The following RGS17 variants were observed in gnomAD, a reference collection of about 807,000 sequenced individuals.
RGS17 encodes regulator of G protein signaling 17.
In RGS17, 12 loss-of-function variants were observed where a neutral mutation model predicts 25.5. That is an observed-to-expected ratio of 0.47 (90% CI 0.30 to 0.76). RGS17 has a LOEUF of 0.76. Among genes scored for constraint, RGS17 ranks in the 30% least tolerant of loss-of-function variants. The probability of loss-of-function intolerance (pLI) is 0.07; values close to 1 mark genes in which losing one functional copy is unlikely to be tolerated. For missense variants in RGS17, 196 were observed against 242.2 expected, an observed-to-expected ratio of 0.81 and a Z score of 1.27; for synonymous variants, 71 against 76.9, an observed-to-expected ratio of 0.92 and a Z score of 0.40.
chr6:153,060,584 A>AC (rs1215739495), intron 1 of RGS17, among the ~76,000 whole-genome samples: 1 of 152,144 alleles, frequency 6.6e-6, no homozygotes, highest in East Asian at 1.9e-4. Flanking sequence ...CACAAGAAAA[A>AC]ATAATTATAA....
chr6:153,108,791 A>G (rs1777423592), intron 1 of RGS17, among the ~76,000 whole-genome samples: 1 of 145,988 alleles, frequency 6.8e-6, no homozygotes, highest in African/African-American at 2.5e-5. Context: ...TAATTAATGT[A>G]TGAATGCAAG....
intron 1 of RGS17, among the ~76,000 whole-genome samples, chr6:153,104,819 G>C (rs1777355240): frequency 7.0e-6 from 1 of 143,514 alleles, no homozygotes; most frequent in African/African-American, 2.8e-5. Flanking sequence ...CGAGACTCTT[G>C]TCTCAAAAAA....
intron 1 of RGS17, among the ~76,000 whole-genome samples, chr6:153,090,030 G>A (rs762246537): frequency 1.3e-5 from 2 of 152,026 alleles, no homozygotes; most frequent in Non-Finnish European, 2.9e-5. Flanking sequence ...ATTAACTGAA[G>A]GATTGAACAG....
intron 1 of RGS17, among the ~76,000 whole-genome samples, chr6:153,102,100 A>AC (rs746792641): frequency 4.7e-4 from 71 of 152,338 alleles, no homozygotes; most frequent in Non-Finnish European, 8.4e-4. Flanking sequence ...TTGCTTCTGC[A>AC]CAGTCTTCTA....
rs576369726 is a variant in RGS17, at chr6:153,041,421, G to A, written c.119+2479C>T. Among the ~76,000 whole-genome samples the A allele has an allele frequency of 8.5e-4, 130 of 152,226 alleles. 1 individual carries two copies. The South Asian group carries it at 0.024, about 28-fold the overall frequency. ...GGTGTAGAGAGTTGATGCAGCTTCC[G>A]AAAGCTGTTTTGTTCTCCATCTATT... On this transcript the variant is annotated intron_variant, in intron 2 of 4. Transcript: ENST00000206262.
chr6:153,045,881 C>T lies in RGS17; in HGVS notation c.-25-1838G>A, dbSNP rs556499725. On this transcript the variant is annotated intron_variant, in intron 1 of 4. Transcript: ENST00000206262. ...TTCCAATTTGGATGCCTTTTGGATACGTGCACCTCCATGTTGACTGCAGCA... is the reference window on the plus strand; with the variant it reads ...TTCCAATTTGGATGCCTTTTGGATATGTGCACCTCCATGTTGACTGCAGCA... Among the ~76,000 whole-genome samples the T allele has an allele frequency of 4.6e-5, 7 of 152,206 alleles. No homozygotes were observed. The East Asian group carries it at 5.8e-4, about 13-fold the overall frequency.
At chr6:153,035,570 C>T (rs1398054656) in intron 2 of RGS17, among the ~76,000 whole-genome samples, 1 of 152,148 alleles carries the variant, frequency 6.6e-6, no homozygotes, top group Admixed American at 6.5e-5. Flanking sequence ...TGTAACACAA[C>T]TATGAAATTT....
At chr6:153,097,254 T>A (rs917070643) in intron 1 of RGS17, among the ~76,000 whole-genome samples, 1 of 151,312 alleles carries the variant, frequency 6.6e-6, no homozygotes, top group African/African-American at 2.4e-5. Flanking sequence ...ACAACCATTA[T>A]GTGCTTGGTA....
intron 4 of RGS17, among the ~76,000 whole-genome samples, chr6:153,016,721 G>T (rs66963128): frequency 0.11 from 16,021 of 152,222 alleles, 922 homozygotes; most frequent in South Asian, 0.21. Flanking sequence ...CAGGTTGTTT[G>T]TCTGAAAAGG....
intron 1 of RGS17, among the ~76,000 whole-genome samples, chr6:153,101,435 A>G (rs1777302443): frequency 6.6e-6 from 1 of 152,178 alleles, no homozygotes; most frequent in Non-Finnish European, 1.5e-5. Context: ...AGGCCAAGGG[A>G]AGACTGCATC....
intron 1 of RGS17, among the ~76,000 whole-genome samples, chr6:153,072,857 C>A (rs1776825657): frequency 1.3e-5 from 2 of 152,206 alleles, no homozygotes; most frequent in Admixed American, 1.3e-4. Flanking sequence ...CACTTAATAC[C>A]TGTTCATGGT....
chr6:153,102,320 T>C (rs1039043283), intron 1 of RGS17, among the ~76,000 whole-genome samples: 18 of 152,314 alleles, frequency 1.2e-4, no homozygotes, highest in African/African-American at 3.8e-4. Context: ...ATAACATGTA[T>C]GTATGTAAGT....
At chr6:153,037,638 C>T (rs1266323525) in intron 2 of RGS17, among the ~76,000 whole-genome samples, 4 of 151,260 alleles carry the variant, frequency 2.6e-5, no homozygotes, top group Admixed American at 6.6e-5. Context: ...GTTGGTCAGG[C>T]TGGTCTCAAA....
chr6:153,024,513 G>A lies in RGS17; in HGVS notation c.210-17C>T, dbSNP rs768934930. 4 of 1,573,886 alleles carry A rather than the reference G, an allele frequency of 2.5e-6. No homozygotes were observed. The highest frequency in any genetic ancestry group is 1.1e-5 in the South Asian group (1 of 90,222). ...GGGTTTTGGCTGCAGAGACAGAACG[G>A]GGCCGTGATCAAAGGGAACTTTGTG... On this transcript the variant is annotated splice_polypyrimidine_tract_variant and intron_variant, in intron 3 of 4. Coordinates refer to ENST00000206262, the MANE Select transcript of RGS17 (RefSeq NM_012419.5).
intron 1 of RGS17, among the ~76,000 whole-genome samples, chr6:153,049,048 AATT>A (rs771680513): frequency 4.2e-4 from 64 of 152,316 alleles, no homozygotes; most frequent in South Asian, 1.5e-3. Context: ...CAACATTCAA[AATT>A]ATTAATTTTG....
intron 2 of RGS17, among the ~76,000 whole-genome samples, chr6:153,038,799 G>A (rs935599988): frequency 6.6e-6 from 1 of 152,148 alleles, no homozygotes; most frequent in African/African-American, 2.4e-5. Flanking sequence ...CAGCATCAGA[G>A]GATAAAACAG....
intron 1 of RGS17, among the ~76,000 whole-genome samples, chr6:153,116,538 C>A (rs1327369852): frequency 6.6e-6 from 1 of 152,000 alleles, no homozygotes; most frequent in Non-Finnish European, 1.5e-5. Context: ...GAACTAGGAC[C>A]AGAAATACCA....
At chr6:153,028,756 A>G (rs370807881) in intron 2 of RGS17, among the ~76,000 whole-genome samples, 1 of 152,272 alleles carries the variant, frequency 6.6e-6, no homozygotes, top group Non-Finnish European at 1.5e-5. Flanking sequence ...GTGCAAACAC[A>G]TATTAAGGCA....
rs1029252088 is a variant in RGS17, at chr6:153,049,534, G to A, written c.-25-5491C>T. On this transcript the variant is annotated intron_variant, in intron 1 of 4. Coordinates refer to ENST00000206262, the MANE Select transcript of RGS17 (RefSeq NM_012419.5). ...TGGGAGGCCGAGGCGGGTGGATCAC[G>A]AGGTCAGGAGATCGAGACCATCCTG... Among the ~76,000 whole-genome samples, 56 of 151,956 alleles carry A rather than the reference G, an allele frequency of 3.7e-4. 1 individual carries two copies. The highest frequency in any genetic ancestry group is 1.3e-3 in the African/African-American group (53 of 41,384).
Sources: gnomAD v4.1 joint callset for allele counts (sites outside exome capture counted in the v4.1 genomes callset) on GRCh38, gnomAD v4.1.1 for gene constraint, MANE v1.5 for transcripts, NCBI Gene and HGNC (gene_info 2026-07-23, HGNC 2026-07-21) for gene names.